The following PDE5A variants were observed in gnomAD, a reference collection of about 807,000 sequenced individuals.
The protein encoded by PDE5A is phosphodiesterase 5A, also known as cGMP-specific 3',5'-cyclic phosphodiesterase.
A neutral mutation model predicts 110.2 loss-of-function variants in PDE5A; 67 were observed. That is an observed-to-expected ratio of 0.61 (90% CI 0.50 to 0.75). PDE5A has a LOEUF of 0.75. Ranked by LOEUF, PDE5A falls within the 30% of genes least tolerant of loss-of-function variation. The probability of loss-of-function intolerance (pLI) is 0.00; values close to 1 mark genes in which losing one functional copy is unlikely to be tolerated. For synonymous variants in PDE5A, 328 were observed against 351.2 expected (o/e 0.93, Z 0.74); for missense variants, 862 against 1,045.1 (o/e 0.82, Z 2.42).
intron 1 of PDE5A, among the ~76,000 whole-genome samples, chr4:119,609,034 C>T (rs907249064): frequency 4.6e-5 from 7 of 151,864 alleles, no homozygotes; most frequent in Admixed American, 3.3e-4. Context: ...TGGTGGCGGG[C>T]GCCTGTAGTC....
At chr4:119,543,477 C>T (rs1279231433) in intron 9 of PDE5A, among the ~76,000 whole-genome samples, 1 of 152,116 alleles carries the variant, frequency 6.6e-6, no homozygotes, top group African/African-American at 2.4e-5. Context: ...AGGCATTGTG[C>T]TAAATACTTT....
chr4:119,536,290 C>CT (rs961242982), intron 11 of PDE5A, among the ~76,000 whole-genome samples: 18 of 151,220 alleles, frequency 1.2e-4, no homozygotes, highest in East Asian at 9.7e-4. Flanking sequence ...TTATTGCTAG[C>CT]TTTTTTTTTA....
intron 6 of PDE5A, among the ~76,000 whole-genome samples, chr4:119,561,713 T>A (rs897828854): frequency 4.6e-5 from 7 of 152,224 alleles, no homozygotes; most frequent in Admixed American, 2.0e-4. Flanking sequence ...ATTTTATAAC[T>A]GATTGAAAAA....
intron 10 of PDE5A, among the ~76,000 whole-genome samples, chr4:119,541,114 C>A (rs1718791161): frequency 6.6e-6 from 1 of 151,896 alleles, no homozygotes; most frequent in Non-Finnish European, 1.5e-5. Context: ...TGATAATGGT[C>A]ATGGGTTGAT....
At position 119,603,463 on chromosome 4, in the gene PDE5A, C is replaced by T. The variant is rs374558841; in HGVS notation, c.741+3246G>A. Among the ~76,000 whole-genome samples, 6 of 152,276 alleles carry T rather than the reference C, an allele frequency of 3.9e-5. No homozygotes were observed. The South Asian group carries it at 8.3e-4, about 21-fold the overall frequency. ...CATGATGGTGGGCTGATGCATGAGA[C>T]CGTGTGTGACTGAACATCAATGTAC... On this transcript the variant is annotated intron_variant, in intron 2 of 20. Transcript: ENST00000354960.
chr4:119,566,986 T>C, intron 4 of PDE5A, 87 bp downstream of exon 4: 1 of 896,128 alleles, frequency 1.1e-6, no homozygotes, highest in Non-Finnish European at 1.8e-6. Flanking sequence ...ACCAACAATT[T>C]CAGCAACAGC....
chr4:119,500,277 T>C (rs1725253931), intron 20 of PDE5A: 1 of 151,746 alleles, frequency 6.6e-6, no homozygotes, highest in African/African-American at 2.4e-5. Context: ...TTTTTTTTTT[T>C]TTCTCCATGG....
chr4:119,580,790 A>G (rs1440078537), intron 3 of PDE5A, among the ~76,000 whole-genome samples: 1 of 152,242 alleles, frequency 6.6e-6, no homozygotes, highest in African/African-American at 2.4e-5. Flanking sequence ...TGCTTAAGTG[A>G]GAGTAAGCCC....
chr4:119,597,304 G>GTTTTTTTTTTTT (rs33944872), intron 2 of PDE5A, among the ~76,000 whole-genome samples: 1 of 144,934 alleles, frequency 6.9e-6, no homozygotes, highest in Non-Finnish European at 1.5e-5. Flanking sequence ...CTCTGTGAGG[G>GTTTTTTTTTTTT]TTTTTTTTTT....
At chr4:119,599,548 C>T (rs756046743) in intron 2 of PDE5A, among the ~76,000 whole-genome samples, 2 of 151,022 alleles carry the variant, frequency 1.3e-5, no homozygotes, top group African/African-American at 4.9e-5. Flanking sequence ...GTGTAAAACA[C>T]CAAGTTCATT....
chr4:119,498,759 A>G (rs769151564), intron 20 of PDE5A, 21 bp from the exon 21 acceptor site: 1 of 1,613,496 alleles, frequency 6.2e-7, no homozygotes, highest in Admixed American at 1.7e-5. Flanking sequence ...AAAAGAAAGC[A>G]AACAGCTAGA....
rs553747513 is a variant in PDE5A, at chr4:119,585,068, GT to G, written c.831+11454del. 6.0e-4 allele frequency among the ~76,000 whole-genome samples: 92 copies of G among 152,262 alleles called. 1 individual carries two copies. Among genetic ancestry groups the G allele is most frequent in the Admixed American group, 1.4e-3 (21 of 15,300 alleles). On this transcript the variant is annotated intron_variant, in intron 3 of 20. Transcript: ENST00000354960. ...AGGTGGGCGGATCACAAGGTCAGGAGTTTGAGACCTGCCTGGCCAACACAGT... is the reference window on the plus strand; with the variant it reads ...AGGTGGGCGGATCACAAGGTCAGGAGTTGAGACCTGCCTGGCCAACACAGT...
chr4:119,607,203 A>C lies in PDE5A; in HGVS notation c.247T>G (p.Leu83Val). The change falls in exon 2 of 21, where the codon TTG (leucine) becomes GTG (valine). Residue 83 changes from leucine to valine, a missense_variant. Physicochemically the swap from Leu to Val is conservative, Grantham distance 32. Coordinates refer to ENST00000354960, the MANE Select transcript of PDE5A (RefSeq NM_001083.4). ...RGHTESCSCPLQQSPRADNSA... is the reference protein window; with the variant it reads ...RGHTESCSCPVQQSPRADNSA... ...TTATCTGCACGAGGACTCTGCTGCA[A>C]GGGACAAGAGCAAGATTCGGTGTGG... The C allele has an allele frequency of 6.2e-7, 1 of 1,614,150 alleles. No homozygotes were observed. The highest frequency in any genetic ancestry group is 1.3e-5 in the African/African-American group (1 of 75,048).
intron 3 of PDE5A, 151 bp from the exon 4 acceptor site, chr4:119,567,295 G>A: frequency 1.7e-6 from 1 of 588,816 alleles, no homozygotes; most frequent in South Asian, 2.4e-5. Flanking sequence ...CAGCATTTGA[G>A]CAAGCTTTAC....
Position 119,497,174 on chromosome 4 carries a change from T to C in PDE5A, c.*1427A>G, listed in dbSNP as rs201557708. 6.6e-6 allele frequency: 1 copy of C among 152,082 alleles called. No homozygotes were observed. Among genetic ancestry groups the C allele is most frequent in the African/African-American group, 2.4e-5 (1 of 41,432 alleles). 9.4% of individuals were successfully genotyped at this position (152,082 alleles called of 1,614,324 possible). ...TAGTGATAGAAACTCAGATCAAATA[T>C]CTTTTTTGTGGGTTGGAGGTAGAAG... On this transcript the variant is annotated 3_prime_UTR_variant, in exon 21 of 21. Coordinates refer to ENST00000354960, the MANE Select transcript of PDE5A (RefSeq NM_001083.4).
intron 3 of PDE5A, among the ~76,000 whole-genome samples, chr4:119,575,405 T>G (rs1230777727): frequency 3.9e-5 from 6 of 151,970 alleles, no homozygotes; most frequent in Non-Finnish European, 7.4e-5. Flanking sequence ...GAAGTTAAAA[T>G]GAAGGAAAAA....
intron 9 of PDE5A, among the ~76,000 whole-genome samples, chr4:119,545,814 C>T (rs1441177038): frequency 2.0e-5 from 3 of 152,204 alleles, no homozygotes; most frequent in Non-Finnish European, 4.4e-5. Context: ...GTCCTCTCTA[C>T]CACATAACAT....
chr4:119,582,497 G>A (rs1728621788), intron 3 of PDE5A, among the ~76,000 whole-genome samples: 1 of 152,156 alleles, frequency 6.6e-6, no homozygotes, highest in African/African-American at 2.4e-5. Context: ...TGTTCATGTT[G>A]ATAATTTGAC....
chr4:119,623,392 G>T (rs1220293027), intron 1 of PDE5A, among the ~76,000 whole-genome samples: 2 of 152,106 alleles, frequency 1.3e-5, no homozygotes, highest in Non-Finnish European at 1.5e-5. Context: ...CCTTACTAAA[G>T]GTTTTTTTAT....
Sources: gnomAD v4.1 joint callset for allele counts (sites outside exome capture counted in the v4.1 genomes callset) on GRCh38, gnomAD v4.1.1 for gene constraint, MANE v1.5 for transcripts, NCBI Gene and HGNC (gene_info 2026-07-23, HGNC 2026-07-21) for gene names.